Variants in AATF observed in about 807,000 individuals in gnomAD.
AATF encodes protein AATF.
In AATF, 48 loss-of-function variants were observed where a neutral mutation model predicts 63.7. That is an observed-to-expected ratio of 0.75 (90% confidence interval 0.60 to 0.96). AATF has a LOEUF of 0.96. AATF is among the 40% of genes least tolerant of loss of function. The pLI is 0.00. For synonymous variants in AATF, 258 were observed against 247.7 expected (o/e 1.04, Z -0.39); for missense variants, 639 against 685.7 (o/e 0.93, Z 0.76).
At position 37,037,918 on chromosome 17, in the gene AATF, C is replaced by G. The variant is rs945069184; in HGVS notation, c.1619+6233C>G. Among the ~76,000 whole-genome samples, 10 of 152,184 alleles carry G rather than the reference C, an allele frequency of 6.6e-5. No individual in the cohort carries two copies. The East Asian group carries it at 1.7e-3, about 26-fold the overall frequency. On this transcript the variant is annotated intron_variant, in intron 11 of 11. Coordinates refer to ENST00000619387, the MANE Select transcript of AATF (RefSeq NM_012138.4). ...GTGTGGCTTCTCCCCTGTCCCCACTCTCTCTCTTGCTCCTGCTGTGGCCTT... is the reference window on the plus strand; with the variant it reads ...GTGTGGCTTCTCCCCTGTCCCCACTGTCTCTCTTGCTCCTGCTGTGGCCTT...
At chr17:37,010,729 A>C (rs2071384008) in intron 8 of AATF, among the ~76,000 whole-genome samples, 1 of 152,146 alleles carries the variant, frequency 6.6e-6, no homozygotes, top group East Asian at 1.9e-4. Context: ...AGATTTAACA[A>C]ATGAGTAGAG....
At chr17:37,007,318 G>A (rs1182466182) in intron 8 of AATF, among the ~76,000 whole-genome samples, 1 of 150,166 alleles carries the variant, frequency 6.7e-6, no homozygotes, top group Non-Finnish European at 1.5e-5. Context: ...CTCCTAAGTA[G>A]CTAGGACTAT....
At chr17:36,960,024 C>T (rs1386363381) in intron 4 of AATF, among the ~76,000 whole-genome samples, 1 of 140,196 alleles carries the variant, frequency 7.1e-6, no homozygotes, top group Non-Finnish European at 1.5e-5. Context: ...AAATTTTTTT[C>T]CCCCCCCGAG....
intron 11 of AATF, among the ~76,000 whole-genome samples, chr17:37,048,968 C>T (rs985657663): frequency 6.4e-4 from 98 of 152,200 alleles, no homozygotes; most frequent in African/African-American, 2.2e-3. Context: ...CACACAGGTC[C>T]TCAGCATGTT....
chr17:37,001,431 G>GGAAA (rs1166949342), intron 8 of AATF, among the ~76,000 whole-genome samples: 5 of 121,176 alleles, frequency 4.1e-5, no homozygotes, highest in South Asian at 2.8e-4. Flanking sequence ...AAGGAAGGAA[G>GGAAA]GAAGGAAGGA....
intron 2 of AATF, among the ~76,000 whole-genome samples, 199 bp downstream of exon 2, chr17:36,950,604 A>T (rs1387738246): frequency 6.6e-6 from 1 of 152,146 alleles, no homozygotes; most frequent in Non-Finnish European, 1.5e-5. Flanking sequence ...AGTTCAAGCG[A>T]GGCTCCTGCC....
intron 11 of AATF, among the ~76,000 whole-genome samples, chr17:37,047,828 T>A (rs2071706914): frequency 6.6e-6 from 1 of 152,230 alleles, no homozygotes; most frequent in African/African-American, 2.4e-5. Flanking sequence ...AGTCGTGTAC[T>A]GCCACCTTGT....
intron 8 of AATF, 108 bp downstream of exon 8, chr17:36,990,965 C>T: frequency 1.3e-6 from 1 of 742,412 alleles, no homozygotes; most frequent in African/African-American, 1.8e-5. Context: ...TAGAGTCAGA[C>T]AGTGAGTTAG....
intron 8 of AATF, among the ~76,000 whole-genome samples, chr17:36,996,278 A>C (rs774128090): frequency 6.6e-6 from 1 of 151,842 alleles, no homozygotes; most frequent in Non-Finnish European, 1.5e-5. Flanking sequence ...CAAAAAATGC[A>C]AAAAAAATGA....
In AATF at chr17:36,950,400, C is replaced by G. The variant is rs920983845; in HGVS notation, c.278C>G (p.Ser93Trp). 2.5e-6 allele frequency: 4 copies of G among 1,613,592 alleles called. No homozygotes were observed. The highest frequency in any genetic ancestry group is 2.2e-5 in the East Asian group (1 of 44,890). Residue 93 changes from serine (S) to tryptophan (W), a missense_variant, in exon 2 of 12, where the codon TCG (serine) becomes TGG (tryptophan). Transcript: ENST00000619387. Reference sequence around the variant, plus strand: ...CATTGGGAGCAGACTCTGCCAGGATCGTCTGGTGAGTAGACATTTTTGAAT... The same window carrying G: ...CATTGGGAGCAGACTCTGCCAGGATGGTCTGGTGAGTAGACATTTTTGAAT... ...EDHWEQTLPGSSDEEISDEEG... is the reference protein window; with the variant it reads ...EDHWEQTLPGWSDEEISDEEG...
rs117223786 is a variant in AATF at position 36,959,288 on chromosome 17, C to A, written c.832+5381C>A. 1.4e-3 allele frequency among the ~76,000 whole-genome samples: 209 copies of A among 152,268 alleles called. 1 individual carries two copies. The East Asian group carries it at 0.029, about 21-fold the overall frequency. ...ATGAAACACCGTCTCTACAAAAGTA[C>A]AAAAATTAGCCAGGCATGATGGTGG... On this transcript the variant is annotated intron_variant, in intron 4 of 11. Transcript: ENST00000619387.
chr17:36,989,646 A>G lies in AATF; in HGVS notation c.1314+235A>G, dbSNP rs562595989. The stretch of plus-strand genomic sequence containing the variant: ...CTTCTCTTAATTTTGAGTTTGATGC[A>G]GGAGTCTGGTAGTAGAAGCATTCAT... On this transcript the variant is annotated intron_variant, in intron 7 of 11. Coordinates refer to ENST00000619387, the MANE Select transcript of AATF (RefSeq NM_012138.4). Among the ~76,000 whole-genome samples, 36 of 152,266 alleles carry G rather than the reference A, an allele frequency of 2.4e-4. 1 individual carries two copies. The South Asian group carries it at 5.0e-3, about 21-fold the overall frequency.
At chr17:37,020,755 T>C (rs1319724532) in intron 9 of AATF, among the ~76,000 whole-genome samples, 179 bp from the exon 10 acceptor site, 1 of 152,222 alleles carries the variant, frequency 6.6e-6, no homozygotes, top group Non-Finnish European at 1.5e-5. Context: ...CCGTTTGTTT[T>C]TTTACCATTG....
intron 4 of AATF, among the ~76,000 whole-genome samples, chr17:36,969,237 G>A (rs2071020549): frequency 6.6e-6 from 1 of 152,144 alleles, no homozygotes; most frequent in Non-Finnish European, 1.5e-5. Flanking sequence ...TCAAAATCTA[G>A]AGGACTTCCA....
At chr17:36,991,453 T>C (rs1442739962) in intron 8 of AATF, among the ~76,000 whole-genome samples, 1 of 152,194 alleles carries the variant, frequency 6.6e-6, no homozygotes, top group Non-Finnish European at 1.5e-5. Context: ...CCCACTTCTT[T>C]CCCTGACATT....
intron 2 of AATF, 147 bp downstream of exon 2, chr17:36,950,552 T>A: frequency 1.2e-6 from 1 of 832,700 alleles, no homozygotes; most frequent in Non-Finnish European, 1.8e-6. Context: ...CAGGCTGGAG[T>A]GTGATGGCGC....
intron 8 of AATF, among the ~76,000 whole-genome samples, chr17:37,010,781 G>A (rs765782112): frequency 3.3e-5 from 5 of 152,178 alleles, no homozygotes; most frequent in African/African-American, 9.7e-5. Context: ...GCCTGTTCCC[G>A]CAGTGCATAT....
intron 11 of AATF, among the ~76,000 whole-genome samples, chr17:37,042,846 A>G (rs183752981): frequency 6.9e-6 from 1 of 145,596 alleles, no homozygotes. Context: ...GGTTCACGCC[A>G]TTCTTCTGCC....
intron 4 of AATF, among the ~76,000 whole-genome samples, chr17:36,956,866 A>G (rs2070905225): frequency 6.6e-6 from 1 of 152,094 alleles, no homozygotes; most frequent in Admixed American, 6.6e-5. Context: ...AGTCCCAGCT[A>G]CTTGGGAGGT....
Sources: gnomAD v4.1 joint callset for allele counts (sites outside exome capture counted in the v4.1 genomes callset) on GRCh38, gnomAD v4.1.1 for gene constraint, MANE v1.5 for transcripts, NCBI Gene and HGNC (gene_info 2026-07-23, HGNC 2026-07-21) for gene names.